TMEM108: variants seen among roughly 807,000 people sequenced by gnomAD.
TMEM108 encodes the protein cancer/testis antigen 124.
TMEM108 carries 12 observed loss-of-function variants against 35.1 expected under a neutral mutation model. The ratio of observed to expected loss-of-function variants is 0.34; its 90% CI spans 0.22 to 0.55. The LOEUF (loss-of-function observed/expected upper bound fraction) is 0.55. TMEM108 is among the 20% of genes least tolerant of loss of function. The pLI, the probability that TMEM108 is intolerant of heterozygous loss-of-function variation, is 0.89. For missense variants in TMEM108, 680 were observed against 753.3 expected, an observed-to-expected ratio of 0.90 and a Z score of 1.14; for synonymous variants, 287 against 308.6, an observed-to-expected ratio of 0.93 and a Z score of 0.73.
chr3:133,103,735 A>G (rs1210321136), intron 2 of TMEM108, among the ~76,000 whole-genome samples: 1 of 152,174 alleles, frequency 6.6e-6, no homozygotes, highest in African/African-American at 2.4e-5. Flanking sequence ...CTTGATTTCT[A>G]ATTCCTAAGG....
intron 3 of TMEM108, among the ~76,000 whole-genome samples, chr3:133,286,275 A>C (rs1946984022): frequency 6.6e-6 from 1 of 152,168 alleles, no homozygotes. Context: ...CAAACACATA[A>C]TTGGGAGAAG....
chr3:133,175,047 G>A (rs1945195561), intron 2 of TMEM108, among the ~76,000 whole-genome samples: 1 of 152,274 alleles, frequency 6.6e-6, no homozygotes, highest in African/African-American at 2.4e-5. Context: ...CTCAGTAACC[G>A]ATGCGATCAA....
chr3:133,139,955 G>A (rs909896249), intron 2 of TMEM108, among the ~76,000 whole-genome samples: 3 of 152,224 alleles, frequency 2.0e-5, no homozygotes, highest in Non-Finnish European at 2.9e-5. Flanking sequence ...GGACTTTCAG[G>A]TAATGGAGCC....
chr3:133,269,358 T>G (rs1419407033), intron 3 of TMEM108, among the ~76,000 whole-genome samples: 1 of 152,134 alleles, frequency 6.6e-6, no homozygotes, highest in Non-Finnish European at 1.5e-5. Context: ...AGTTTCCTCT[T>G]GCAGCATGTT....
chr3:133,077,937 GCAT>G (rs1943761593), intron 2 of TMEM108, among the ~76,000 whole-genome samples: 1 of 152,152 alleles, frequency 6.6e-6, no homozygotes, highest in Admixed American at 6.5e-5. Context: ...CAGCCCGGGG[GCAT>G]TCAGAGTGAT....
At chr3:133,288,813 C>G (rs970137387) in intron 3 of TMEM108, among the ~76,000 whole-genome samples, 2 of 152,150 alleles carry the variant, frequency 1.3e-5, no homozygotes, top group African/African-American at 4.8e-5. Flanking sequence ...AATCTCAGCT[C>G]TCTGTCCTCC....
At chr3:133,133,009 A>G (rs1162876981) in intron 2 of TMEM108, among the ~76,000 whole-genome samples, 1 of 152,204 alleles carries the variant, frequency 6.6e-6, no homozygotes, top group Non-Finnish European at 1.5e-5. Context: ...CTGCAATCTC[A>G]TGATAAAACT....
intron 3 of TMEM108, among the ~76,000 whole-genome samples, chr3:133,272,978 C>G (rs188365813): frequency 1.3e-5 from 2 of 152,244 alleles, no homozygotes; most frequent in East Asian, 3.9e-4. Flanking sequence ...GCATTGATAA[C>G]CATGAAAAGA....
intron 2 of TMEM108, among the ~76,000 whole-genome samples, chr3:133,063,192 G>A (rs1440619725): frequency 6.6e-6 from 1 of 152,100 alleles, no homozygotes; most frequent in East Asian, 1.9e-4. Context: ...AGAGAACAGG[G>A]ACTGAAAAGC....
intron 1 of TMEM108, among the ~76,000 whole-genome samples, chr3:133,038,658 G>A (rs897580395): frequency 2.0e-5 from 3 of 152,198 alleles, no homozygotes; most frequent in Admixed American, 2.0e-4. Flanking sequence ...GAGGGGAGTT[G>A]CCCACCTGGC....
intron 3 of TMEM108, among the ~76,000 whole-genome samples, chr3:133,231,101 T>C (rs1946146697): frequency 6.6e-6 from 1 of 152,182 alleles, no homozygotes; most frequent in Non-Finnish European, 1.5e-5. Flanking sequence ...GTTATGTGTA[T>C]GTTAACATTG....
At chr3:133,107,754 AT>A (rs1357409090) in intron 2 of TMEM108, among the ~76,000 whole-genome samples, 1 of 152,104 alleles carries the variant, frequency 6.6e-6, no homozygotes, top group Non-Finnish European at 1.5e-5. Flanking sequence ...CCTTTACCTG[AT>A]CCTGGTCACT....
At chr3:133,392,306 G>A (rs928021820) in intron 5 of TMEM108, among the ~76,000 whole-genome samples, 2 of 151,992 alleles carry the variant, frequency 1.3e-5, no homozygotes, top group Admixed American at 6.6e-5. Flanking sequence ...GGGACTACAA[G>A]CACACGCGAC....
intron 4 of TMEM108, among the ~76,000 whole-genome samples, chr3:133,382,678 G>A (rs1190217183): frequency 3.3e-5 from 5 of 152,224 alleles, no homozygotes; most frequent in African/African-American, 7.2e-5. Context: ...ACAAAGCCCC[G>A]AAGGCTTCCC....
At position 133,316,056 on chromosome 3, in the gene TMEM108, T is replaced by A. The variant is rs530842422; in HGVS notation, c.41-63696T>A. 4.6e-5 allele frequency among the ~76,000 whole-genome samples: 7 copies of A among 152,314 alleles called. No individual in the cohort carries two copies. The East Asian group carries it at 1.4e-3, about 29-fold the overall frequency. The stretch of plus-strand genomic sequence containing the variant: ...ATGATAAAATAAAAAGAGAGACTAA[T>A]AAAAAGACAAACATTTCTTCTGGTA... On this transcript the variant is annotated intron_variant, in intron 3 of 5. Coordinates refer to ENST00000321871, the MANE Select transcript of TMEM108 (RefSeq NM_023943.4).
chr3:133,328,043 G>C (rs2071351706), intron 3 of TMEM108, among the ~76,000 whole-genome samples: 1 of 152,128 alleles, frequency 6.6e-6, no homozygotes, highest in Non-Finnish European at 1.5e-5. Context: ...GGGGCTTGCT[G>C]TTTAGTTCCA....
intron 3 of TMEM108, among the ~76,000 whole-genome samples, chr3:133,347,609 G>A (rs1208197875): frequency 6.6e-6 from 1 of 151,968 alleles, no homozygotes; most frequent in Non-Finnish European, 1.5e-5. Flanking sequence ...TTCTCAATCT[G>A]TATACTTGTA....
rs977084601 is a variant in TMEM108, at chr3:133,380,871, C to T, written c.1160C>T (p.Thr387Ile). ...GCATCCACAACCCCACAAGCTCCAA[C>T]CCATCCCTCCAGGGTCTCAGAAAGC... ...QGASTTPQAP[T>I]HPSRVSESTI... Residue 387 changes from threonine to isoleucine, a missense_variant, in exon 4 of 6, where the codon ACC becomes ATC. Physicochemically the swap from Thr to Ile is moderately conservative, Grantham distance 89. Transcript: ENST00000321871. This position sits in a 1 kb window ranked among gnomAD's most constrained non-coding sequence, Gnocchi z 5.3. 6.2e-7 allele frequency: 1 copy of T among 1,614,096 alleles called. No homozygotes were observed. Among genetic ancestry groups the T allele is most frequent in the African/African-American group, 1.3e-5 (1 of 74,938 alleles).
At chr3:133,316,252 C>T (rs1163385410) in intron 3 of TMEM108, among the ~76,000 whole-genome samples, 1 of 152,166 alleles carries the variant, frequency 6.6e-6, no homozygotes, top group Admixed American at 6.5e-5. Context: ...GAGTGATTCC[C>T]TTTAAGTGGT....
Sources: allele counts gnomAD v4.1 joint callset (sites outside exome capture counted in the v4.1 genomes callset), GRCh38; gene constraint gnomAD v4.1.1; non-coding constraint Gnocchi (gnomAD v3.1); transcripts MANE v1.5; gene names NCBI Gene and HGNC (gene_info 2026-07-23, HGNC 2026-07-21).